Variants in DAB1 observed in about 807,000 individuals in gnomAD.
The protein encoded by DAB1 is disabled homolog 1.
DAB1 carries 15 observed loss-of-function variants against 64.6 expected under a neutral mutation model. That is an observed-to-expected ratio of 0.23 (90% CI 0.16 to 0.36). DAB1 has a LOEUF of 0.36. Ranked by LOEUF, DAB1 falls within the 10% of genes least tolerant of loss-of-function variation. The pLI is 1.00. For synonymous variants in DAB1, 235 were observed against 251.9 expected, an observed-to-expected ratio of 0.93 and a Z score of 0.64; for missense variants, 596 against 706.7, an observed-to-expected ratio of 0.84 and a Z score of 1.78.
At chr1:58,069,636 A>G (rs991428338) in intron 5 of DAB1, among the ~76,000 whole-genome samples, 10 of 152,244 alleles carry the variant, frequency 6.6e-5, no homozygotes, top group African/African-American at 2.2e-4. Flanking sequence ...CTGTCCCTCA[A>G]TGCATGTTCA....
At chr1:58,132,524 G>C (rs1222815989) in intron 5 of DAB1, among the ~76,000 whole-genome samples, 4 of 152,156 alleles carry the variant, frequency 2.6e-5, no homozygotes, top group Non-Finnish European at 5.9e-5. Context: ...CTTAAAAGTA[G>C]GTTGTCTTGC....
chr1:57,740,951 C>T (rs922195396), intron 6 of DAB1, among the ~76,000 whole-genome samples: 4 of 152,122 alleles, frequency 2.6e-5, no homozygotes, highest in Non-Finnish European at 4.4e-5. Flanking sequence ...GGAGGGGACA[C>T]TTAAGCTTGG....
intron 2 of DAB1, among the ~76,000 whole-genome samples, chr1:57,230,189 G>C (rs1385051158): frequency 6.6e-6 from 1 of 152,014 alleles, no homozygotes; most frequent in Non-Finnish European, 1.5e-5. Context: ...TCTTATGCAA[G>C]CTAACAACTA....
At chr1:57,373,121 G>A (rs1680630207) in intron 1 of DAB1, among the ~76,000 whole-genome samples, 1 of 152,202 alleles carries the variant, frequency 6.6e-6, no homozygotes, top group African/African-American at 2.4e-5. Flanking sequence ...GGAGTTCGAG[G>A]CTGCAGCGAG....
chr1:58,280,750 G>A (rs1661541364), intron 4 of DAB1, among the ~76,000 whole-genome samples: 1 of 152,220 alleles, frequency 6.6e-6, no homozygotes, highest in Non-Finnish European at 1.5e-5. Flanking sequence ...CTTGGATCTT[G>A]CAGAATTGAG....
intron 4 of DAB1, among the ~76,000 whole-genome samples, chr1:58,250,446 C>T (rs889129974): frequency 2.6e-5 from 4 of 152,216 alleles, no homozygotes; most frequent in Non-Finnish European, 4.4e-5. Flanking sequence ...GTGGCGGTGG[C>T]AGCAGAGGCA....
intron 6 of DAB1, among the ~76,000 whole-genome samples, chr1:57,805,088 T>A (rs1334064907): frequency 6.6e-6 from 1 of 152,160 alleles, no homozygotes; most frequent in African/African-American, 2.4e-5. Context: ...TAAGGCAGCA[T>A]GTGGTATTGA....
intron 5 of DAB1, among the ~76,000 whole-genome samples, chr1:57,921,343 A>G (rs1441042496): frequency 6.6e-6 from 1 of 152,194 alleles, no homozygotes; most frequent in East Asian, 1.9e-4. Context: ...CAGTCAAGTA[A>G]CTTTTTACTG....
At chr1:57,887,503 T>C (rs1055860263), upstream of DAB1, among the ~76,000 whole-genome samples, 1 of 152,224 alleles carries the variant, frequency 6.6e-6, no homozygotes, top group Non-Finnish European at 1.5e-5. Context: ...GACACTGTGC[T>C]AAAACTAAAT....
At chr1:57,060,861 C>G (rs2100562819) in intron 9 of DAB1, among the ~76,000 whole-genome samples, 1 of 151,294 alleles carries the variant, frequency 6.6e-6, no homozygotes, top group Non-Finnish European at 1.5e-5. Context: ...TTTTCTGGAG[C>G]TATTAAGCAT....
chr1:57,384,051 A>G (rs1681593455), intron 1 of DAB1, among the ~76,000 whole-genome samples: 1 of 152,222 alleles, frequency 6.6e-6, no homozygotes, highest in South Asian at 2.1e-4. Flanking sequence ...CTCAACAAGA[A>G]CAAGACAACC....
intron 5 of DAB1, among the ~76,000 whole-genome samples, chr1:58,130,734 T>A (rs1357456967): frequency 6.6e-6 from 1 of 151,768 alleles, no homozygotes; most frequent in Non-Finnish European, 1.5e-5. Context: ...TTTGGCTGGA[T>A]ATGAAATTCT....
chr1:57,678,330 C>A (rs1043764574), intron 6 of DAB1, among the ~76,000 whole-genome samples: 1 of 152,200 alleles, frequency 6.6e-6, no homozygotes, highest in African/African-American at 2.4e-5. Flanking sequence ...TAAACTCAAA[C>A]GCTGTTGTTT....
At chr1:58,408,859 G>C (rs1405832178) in intron 3 of DAB1, among the ~76,000 whole-genome samples, 1 of 152,142 alleles carries the variant, frequency 6.6e-6, no homozygotes, top group East Asian at 1.9e-4. Flanking sequence ...GGGTCCCTGG[G>C]ACTGAAGAGA....
intron 1 of DAB1, among the ~76,000 whole-genome samples, chr1:57,367,231 C>T (rs116212691): frequency 1.6e-3 from 245 of 151,948 alleles, no homozygotes; most frequent in African/African-American, 5.5e-3. Flanking sequence ...GCTGTGATGG[C>T]ACTACTGCAC....
intron 2 of DAB1, among the ~76,000 whole-genome samples, chr1:57,288,313 G>A (rs1672495828): frequency 1.3e-5 from 2 of 152,264 alleles, no homozygotes; most frequent in South Asian, 4.1e-4. Flanking sequence ...TGAAGAGGAT[G>A]GGGGATGGGG....
chr1:58,514,595 T>C (rs1370312158), intron 2 of DAB1, among the ~76,000 whole-genome samples: 3 of 152,190 alleles, frequency 2.0e-5, no homozygotes, highest in Non-Finnish European at 4.4e-5. Flanking sequence ...GTCCCAGTCA[T>C]TGTAGCATCC....
intron 5 of DAB1, among the ~76,000 whole-genome samples, chr1:58,140,138 C>G (rs959846674): frequency 6.6e-6 from 1 of 152,176 alleles, no homozygotes. Context: ...CAATGGTTAG[C>G]TCCATCCCTC....
At chr1:57,716,843 G>C (rs777467032) in intron 6 of DAB1, among the ~76,000 whole-genome samples, 5 of 152,106 alleles carry the variant, frequency 3.3e-5, no homozygotes, top group African/African-American at 7.2e-5. Flanking sequence ...TGTCTGACAG[G>C]GGTTAATACG....
Sources: allele counts gnomAD v4.1 joint callset (sites outside exome capture counted in the v4.1 genomes callset), GRCh38; gene constraint gnomAD v4.1.1; transcripts MANE v1.5; gene names NCBI Gene and HGNC (gene_info 2026-07-23, HGNC 2026-07-21).